OVCH1: variants seen among roughly 807,000 people sequenced by gnomAD.
OVCH1 encodes ovochymase-1.
Under a neutral mutation model 138.4 loss-of-function variants are expected in OVCH1, and 139 were observed. That is an observed-to-expected ratio of 1.00 (90% confidence interval 0.87 to 1.16). The LOEUF is 1.16. OVCH1 is among the 50% of genes most tolerant of loss of function. OVCH1 has a pLI of 0.00. For synonymous variants in OVCH1, 453 were observed against 467.8 expected (o/e 0.97, Z 0.41); for missense variants, 1,367 against 1,357.9 (o/e 1.01, Z -0.11).
chr12:29,472,465 C>G (rs1284126871), intron 15 of OVCH1, among the ~76,000 whole-genome samples: 1 of 152,196 alleles, frequency 6.6e-6, no homozygotes, highest in Non-Finnish European at 1.5e-5. Context: ...CATCTAAATG[C>G]TGTTCTCTTA....
chr12:29,487,745 A>G (rs1233380291), exon 7 of OVCH1: 17 of 1,605,934 alleles, frequency 1.1e-5, no homozygotes, highest in Non-Finnish European at 1.4e-5. Context: ...CTTTGGAGAA[A>G]ATGCCAAGTG....
chr12:29,434,189 T>C (rs1941318039), intron 26 of OVCH1, among the ~76,000 whole-genome samples: 2 of 152,222 alleles, frequency 1.3e-5, no homozygotes, highest in South Asian at 4.1e-4. Context: ...GGACAAATTA[T>C]TCTTGATATT....
chr12:29,412,881 G>A (rs1436320), intron 3 of OVCH1, among the ~76,000 whole-genome samples: 1 of 151,978 alleles, frequency 6.6e-6, no homozygotes, highest in South Asian at 2.1e-4. Flanking sequence ...AAAGTCTCAC[G>A]CTGTCATCCA....
intron 27 of OVCH1, chr12:29,433,658 A>G (rs1941308160): frequency 7.7e-7 from 1 of 1,290,692 alleles, no homozygotes; most frequent in Non-Finnish European, 1.0e-6. Flanking sequence ...TGCCTGGCAT[A>G]TTCCTACAAC....
chr12:29,459,733 A>G (rs951290831), intron 19 of OVCH1, among the ~76,000 whole-genome samples: 2 of 152,146 alleles, frequency 1.3e-5, no homozygotes, highest in Non-Finnish European at 2.9e-5. Flanking sequence ...TCAAAATCTC[A>G]TGTCCCCCAT....
chr12:29,443,384 A>T (rs1941536153), exon 25 of OVCH1: 1 of 1,611,366 alleles, frequency 6.2e-7, no homozygotes, highest in Admixed American at 1.7e-5. Context: ...TCCTGGTCCA[A>T]ATCCTTCGTA....
At chr12:29,428,380 CCTT>C (rs1296591075) in intron 27 of OVCH1, among the ~76,000 whole-genome samples, 6 of 152,310 alleles carry the variant, frequency 3.9e-5, no homozygotes, top group Admixed American at 2.6e-4. Context: ...TTTTCTAACA[CCTT>C]CTTACTGAGA....
In OVCH1 at chr12:29,486,279, TG is replaced by T. The variant is rs776318512; in HGVS notation, c.961del (p.Gln321LysfsTer3). ...TCCTCTCTGGCTTCCATTCACTTCTTGGACAGAACTCAGGGCCTTTGTTATA... is the reference window on the plus strand; with the variant it reads ...TCCTCTCTGGCTTCCATTCACTTCTTGACAGAACTCAGGGCCTTTGTTATA... On this transcript the variant is annotated frameshift_variant, in exon 8 of 28. Coordinates refer to ENST00000318184, the Ensembl canonical transcript of OVCH1. LOFTEE classifies it high-confidence loss of function. 6.2e-7 allele frequency: 1 copy of T among 1,613,842 alleles called. No individual in the cohort carries two copies. The highest frequency in any genetic ancestry group is 1.7e-5 in the Admixed American group (1 of 60,022).
At chr12:29,439,482 A>G (rs1941432392) in intron 25 of OVCH1, 3 of 1,456,910 alleles carry the variant, frequency 2.1e-6, no homozygotes, top group Non-Finnish European at 2.7e-6. Context: ...AAAAAACAAA[A>G]AGCAAAAAAC....
intron 15 of OVCH1, 101 bp downstream of exon 15, chr12:29,472,928 T>G: frequency 2.0e-6 from 2 of 990,830 alleles, no homozygotes; most frequent in South Asian, 1.6e-5. Flanking sequence ...TCTTCTTCAC[T>G]GTGGAGTTAT....
At chr12:29,462,751 TC>T (rs1455864235) in intron 18 of OVCH1, among the ~76,000 whole-genome samples, 2 of 152,078 alleles carry the variant, frequency 1.3e-5, no homozygotes, top group African/African-American at 4.8e-5. Flanking sequence ...ATATGTGAGA[TC>T]AGGTTAATCA....
chr12:29,426,571 A>ATATC (rs1941182338), downstream of OVCH1, among the ~76,000 whole-genome samples: 1 of 152,184 alleles, frequency 6.6e-6, no homozygotes, highest in Non-Finnish European at 1.5e-5. Flanking sequence ...GCCCAAACAG[A>ATATC]TATCTCTCTA....
intron 22 of OVCH1, among the ~76,000 whole-genome samples, chr12:29,446,088 C>T (rs1397885618): frequency 6.6e-6 from 1 of 152,034 alleles, no homozygotes; most frequent in Non-Finnish European, 1.5e-5. Context: ...ATTTTTTCTT[C>T]CTTAGTTCTT....
exon 25 of OVCH1, chr12:29,443,444 TTAA>T: frequency 6.2e-7 from 1 of 1,610,994 alleles, no homozygotes; most frequent in Non-Finnish European, 8.5e-7. Flanking sequence ...CATCGGGAAG[TTAA>T]TAATATTAAG....
chr12:29,471,721 C>A, intron 16 of OVCH1, 81 bp downstream of exon 16: 1 of 1,398,540 alleles, frequency 7.2e-7, no homozygotes, highest in South Asian at 1.5e-5. Context: ...TCTGGATGAT[C>A]TTAGTAGTCA....
intron 8 of OVCH1, among the ~76,000 whole-genome samples, chr12:29,482,593 T>G (rs1942968629): frequency 6.6e-6 from 1 of 152,234 alleles, no homozygotes; most frequent in African/African-American, 2.4e-5. Flanking sequence ...TTACACATCC[T>G]GAGGGTTCAA....
intron 6 of OVCH1, 51 bp downstream of exon 6, chr12:29,489,569 T>C: frequency 6.6e-7 from 1 of 1,517,188 alleles, no homozygotes; most frequent in South Asian, 1.3e-5. Context: ...AGGCAGAATC[T>C]ACTTTCACCC....
At chr12:29,497,341 C>G (rs1943446663) in intron 1 of OVCH1, among the ~76,000 whole-genome samples, 1 of 152,196 alleles carries the variant, frequency 6.6e-6, no homozygotes, top group South Asian at 2.1e-4. Flanking sequence ...TAAGTTACTT[C>G]TACTTGGTTA....
intron 16 of OVCH1, among the ~76,000 whole-genome samples, chr12:29,466,432 C>T (rs1942324473): frequency 7.1e-6 from 1 of 141,784 alleles, no homozygotes; most frequent in Non-Finnish European, 1.5e-5. Flanking sequence ...CTATATTTTA[C>T]TGTTCAACAT....
Sources: gnomAD v4.1 joint callset for allele counts (sites outside exome capture counted in the v4.1 genomes callset) on GRCh38, gnomAD v4.1.1 for gene constraint, MANE v1.5 for transcripts, NCBI Gene and HGNC (gene_info 2026-07-23, HGNC 2026-07-21) for gene names.